The following COL25A1 variants were observed in gnomAD, a reference collection of about 807,000 sequenced individuals.
COL25A1 encodes the protein collagen type XXV alpha 1 chain.
Under a neutral mutation model 128.4 loss-of-function variants are expected in COL25A1, and 103 were observed. That is an observed-to-expected ratio of 0.80 (90% CI 0.68 to 0.94). The LOEUF (loss-of-function observed/expected upper bound fraction) is 0.94. Ranked by LOEUF, COL25A1 falls within the 40% of genes least tolerant of loss-of-function variation. The pLI, the probability that COL25A1 is intolerant of heterozygous loss-of-function variation, is 0.00. For missense variants in COL25A1, 745 were observed against 840.0 expected, an observed-to-expected ratio of 0.89 and a Z score of 1.40; for synonymous variants, 279 against 277.2, an observed-to-expected ratio of 1.01 and a Z score of -0.06.
chr4:109,236,615 A>T (rs1578512792), intron 3 of COL25A1, among the ~76,000 whole-genome samples: 1 of 152,194 alleles, frequency 6.6e-6, no homozygotes, highest in East Asian at 1.9e-4. Context: ...TTTATATTTT[A>T]AAAAGTCATC....
At chr4:109,012,484 G>A (rs1648022) in intron 5 of COL25A1, among the ~76,000 whole-genome samples, 77,631 of 151,998 alleles carry the variant, frequency 0.51, 22,576 homozygotes, top group African/African-American at 0.78. Context: ...GGAGAGGCGC[G>A]GGCAGGAACT....
intron 29 of COL25A1, 116 bp downstream of exon 29, chr4:108,845,073 A>C (rs1192429374): frequency 1.2e-6 from 1 of 843,094 alleles, no homozygotes; most frequent in African/African-American, 1.7e-5. Context: ...ACAAACCAAG[A>C]GGTTTGAGGT....
chr4:108,971,495 A>G (rs1183830994), intron 8 of COL25A1, among the ~76,000 whole-genome samples: 7 of 152,220 alleles, frequency 4.6e-5, no homozygotes, highest in Non-Finnish European at 7.3e-5. Flanking sequence ...TGAAGTTTCA[A>G]TGATAAGAAG....
rs1755025730 is a variant in COL25A1 at position 108,998,640 on chromosome 4, A to G, written c.438+11718T>C. 1.3e-5 allele frequency among the ~76,000 whole-genome samples: 2 copies of G among 152,218 alleles called. 1 individual carries two copies. Among genetic ancestry groups the G allele is most frequent in the South Asian group, 4.1e-4 (2 of 4,830 alleles). On this transcript the variant is annotated intron_variant, in intron 6 of 37. Transcript: ENST00000399132. ...CTTTAAACTTCATATGGAATAAAAAAAGGCCTGCATAGCCAAGACAATCCT... is the reference window on the plus strand; with the variant it reads ...CTTTAAACTTCATATGGAATAAAAAGAGGCCTGCATAGCCAAGACAATCCT...
chr4:109,115,993 G>T (rs1462550222), intron 3 of COL25A1, among the ~76,000 whole-genome samples: 1 of 151,964 alleles, frequency 6.6e-6, no homozygotes, highest in Non-Finnish European at 1.5e-5. Flanking sequence ...ACAAATCACG[G>T]CTCCAAAAAC....
intron 3 of COL25A1, among the ~76,000 whole-genome samples, chr4:109,074,268 A>G (rs567789637): frequency 6.6e-6 from 1 of 152,288 alleles, no homozygotes; most frequent in African/African-American, 2.4e-5. Context: ...CAGGCCAAGG[A>G]GCAGGACTGG....
chr4:109,121,791 A>G (rs115287024), intron 3 of COL25A1, among the ~76,000 whole-genome samples: 4,950 of 152,176 alleles, frequency 0.033, 144 homozygotes, highest in South Asian at 0.13. Context: ...GAAAGGAACC[A>G]AAAACTTATA....
rs1034216371 is a variant in COL25A1, at chr4:108,812,456, A to T, written c.*1471T>A. On this transcript the variant is annotated 3_prime_UTR_variant, in exon 38 of 38. Coordinates refer to ENST00000399132, the MANE Select transcript of COL25A1 (RefSeq NM_198721.4). The stretch of plus-strand genomic sequence containing the variant: ...AAAAGTCAAAACTACTTAAAAATGC[A>T]TAACTTTCATGCTTTACAATGATTA... The T allele has an allele frequency of 2.6e-5, 4 of 152,334 alleles. No individual in the cohort carries two copies. Among genetic ancestry groups the T allele is most frequent in the Admixed American group, 2.0e-4 (3 of 15,300 alleles). 9.4% of individuals were successfully genotyped at this position (152,334 alleles called of 1,614,324 possible).
At chr4:109,164,817 T>A (rs377715129) in intron 3 of COL25A1, among the ~76,000 whole-genome samples, 3 of 152,218 alleles carry the variant, frequency 2.0e-5, no homozygotes, top group Non-Finnish European at 2.9e-5. Flanking sequence ...TGATTAACAA[T>A]ATGAAACTTC....
In COL25A1 at chr4:109,286,122, C is replaced by A. The variant is rs571815073; in HGVS notation, c.367+14461G>T. ...GGTACAATCATATAATAGTGTATAG[C>A]CTTCAAAAAGAATGATGCAAATCAA... On this transcript the variant is annotated intron_variant, in intron 3 of 37. Transcript: ENST00000399132. Among the ~76,000 whole-genome samples the A allele has an allele frequency of 9.1e-4, 138 of 152,168 alleles. 2 individuals are homozygous for A. Among genetic ancestry groups the A allele is most frequent in the Middle Eastern group, 3.4e-3 (1 of 294 alleles).
chr4:109,277,964 T>C (rs1006899828), intron 3 of COL25A1, among the ~76,000 whole-genome samples: 5 of 151,998 alleles, frequency 3.3e-5, no homozygotes, highest in Non-Finnish European at 7.4e-5. Context: ...TGAAACCCCA[T>C]CTCTACTAAA....
At chr4:109,055,312 A>G (rs1761358069) in intron 3 of COL25A1, among the ~76,000 whole-genome samples, 1 of 152,214 alleles carries the variant, frequency 6.6e-6, no homozygotes, top group Admixed American at 6.5e-5. Flanking sequence ...CAGAACCTGG[A>G]CCATCAGAGC....
chr4:109,182,611 A>G (rs1169381499), intron 3 of COL25A1, among the ~76,000 whole-genome samples: 1 of 152,160 alleles, frequency 6.6e-6, no homozygotes. Context: ...ACAGAGTACT[A>G]AAGAGCCAGG....
At chr4:109,164,410 A>ATTTG (rs4036264) in intron 3 of COL25A1, among the ~76,000 whole-genome samples, 60 of 150,714 alleles carry the variant, frequency 4.0e-4, no homozygotes, top group South Asian at 1.1e-3. Flanking sequence ...CAAGAAATAC[A>ATTTG]TTTGTTTGTT....
At chr4:109,186,524 T>C (rs1445052265) in intron 3 of COL25A1, among the ~76,000 whole-genome samples, 6 of 152,342 alleles carry the variant, frequency 3.9e-5, no homozygotes, top group South Asian at 2.1e-4. Flanking sequence ...AACACAACTT[T>C]TTTTTAAAGC....
chr4:108,848,843 T>G, intron 26 of COL25A1, 40 bp from the exon 27 acceptor site: 1 of 1,515,320 alleles, frequency 6.6e-7, no homozygotes, highest in South Asian at 1.1e-5. Context: ...CCATTCTCAT[T>G]GGTAACATAC....
At chr4:109,032,045 T>C (rs794142) in intron 5 of COL25A1, among the ~76,000 whole-genome samples, 75,337 of 152,030 alleles carry the variant, frequency 0.5, 20,498 homozygotes, top group African/African-American at 0.71. Flanking sequence ...CTAACACTTA[T>C]GGTGTTGTTA....
intron 3 of COL25A1, among the ~76,000 whole-genome samples, chr4:109,137,985 T>TATGTGTGTGTGC (rs35169796): frequency 8.2e-5 from 2 of 24,262 alleles, no homozygotes; most frequent in Middle Eastern, 0.018. Flanking sequence ...TATATATATA[T>TATGTGTGTGTGC]GTGTGTGTGT....
chr4:109,090,996 G>A (rs1269100173), intron 3 of COL25A1, among the ~76,000 whole-genome samples: 2 of 152,082 alleles, frequency 1.3e-5, no homozygotes, highest in African/African-American at 4.8e-5. Context: ...TAAATGTCCT[G>A]GTTTCCTTCT....
Sources: gnomAD v4.1 joint callset for allele counts (sites outside exome capture counted in the v4.1 genomes callset) on GRCh38, gnomAD v4.1.1 for gene constraint, MANE v1.5 for transcripts, NCBI Gene and HGNC (gene_info 2026-07-23, HGNC 2026-07-21) for gene names.